PINX1: variants seen among roughly 807,000 people sequenced by gnomAD.
The protein encoded by PINX1 is PIN2 (TERF1) interacting telomerase inhibitor 1.
Under a neutral mutation model 25.4 loss-of-function variants are expected in PINX1, and 34 were observed. The observed-to-expected ratio is 1.34, with a 90% confidence interval of 1.02 to 1.78. The LOEUF is 1.78. Ranked by LOEUF, PINX1 falls within the 40% of genes most tolerant of loss-of-function variation. The pLI, the probability that PINX1 is intolerant of heterozygous loss-of-function variation, is 0.00. For missense variants in PINX1, 592 were observed against 404.9 expected (o/e 1.46, Z -3.97); for synonymous variants, 197 against 147.7 (o/e 1.33, Z -2.42).
chr8:10,786,909 T>C (rs1801767266), intron 6 of PINX1, among the ~76,000 whole-genome samples: 1 of 152,184 alleles, frequency 6.6e-6, no homozygotes. Context: ...ATGGGGAGCA[T>C]GTCTATTCGA....
intron 1 of PINX1, among the ~76,000 whole-genome samples, chr8:10,839,005 G>A (rs7818181): frequency 0.56 from 84,639 of 151,916 alleles, 24,771 homozygotes; most frequent in African/African-American, 0.7. Context: ...TTTGCTCACT[G>A]TACAACTCGC....
At chr8:10,834,090 G>A (rs80130141) in intron 2 of PINX1, among the ~76,000 whole-genome samples, 1 of 152,026 alleles carries the variant, frequency 6.6e-6, no homozygotes, top group African/African-American at 2.4e-5. Context: ...CTGCAGCAAA[G>A]TGCAAAAAAG....
chr8:10,827,588 C>T (rs1798093272), intron 4 of PINX1, among the ~76,000 whole-genome samples: 1 of 151,934 alleles, frequency 6.6e-6, no homozygotes, highest in East Asian at 1.9e-4. Context: ...GTTTTAAGAA[C>T]ATTCAGATAT....
At chr8:10,776,140 C>A (rs1359512595) in intron 6 of PINX1, among the ~76,000 whole-genome samples, 1 of 152,056 alleles carries the variant, frequency 6.6e-6, no homozygotes, top group Non-Finnish European at 1.5e-5. Context: ...TAAAATTGGT[C>A]TTGGGCTGGG....
At chr8:10,838,015 G>T (rs536850593) in intron 1 of PINX1, among the ~76,000 whole-genome samples, 1 of 152,196 alleles carries the variant, frequency 6.6e-6, no homozygotes, top group Non-Finnish European at 1.5e-5. Flanking sequence ...TTCAATCACA[G>T]GCAGCCATCT....
chr8:10,776,653 G>A (rs931983951), intron 6 of PINX1, among the ~76,000 whole-genome samples: 1 of 152,032 alleles, frequency 6.6e-6, no homozygotes, highest in Admixed American at 6.5e-5. Flanking sequence ...GGCTCACAAC[G>A]GCTGATGATG....
chr8:10,774,130 G>A (rs1192484430), intron 6 of PINX1, among the ~76,000 whole-genome samples: 2 of 152,164 alleles, frequency 1.3e-5, no homozygotes, highest in Non-Finnish European at 2.9e-5. Context: ...GCTTCCAGAG[G>A]GTTCTGTCTC....
At chr8:10,808,365 T>C (rs779979148) in intron 6 of PINX1, among the ~76,000 whole-genome samples, 2 of 152,156 alleles carry the variant, frequency 1.3e-5, no homozygotes, top group East Asian at 1.9e-4. Flanking sequence ...TGAGGTGGAG[T>C]GGCAAGGATG....
At chr8:10,788,799 G>C (rs1801831644) in intron 6 of PINX1, among the ~76,000 whole-genome samples, 1 of 152,192 alleles carries the variant, frequency 6.6e-6, no homozygotes, top group Non-Finnish European at 1.5e-5. Flanking sequence ...CCCCATCTGT[G>C]CGCTGACTCA....
rs759524206 is a variant in PINX1 at position 10,765,632 on chromosome 8, C to G, written c.756G>C (p.Lys252Asn). The change falls in exon 7 of 7, where the codon AAG becomes AAC. Residue 252 changes from lysine to asparagine, a missense_variant. Lys to Asn is a moderately conservative substitution (Grantham distance 94). Coordinates refer to ENST00000314787, the MANE Select transcript of PINX1 (RefSeq NM_017884.6). ...RAEAQERVAK[K>N]KSAPAEEQLR... ...GCTGCTCTTCTGCTGGCGCGCTCTT[C>G]TTCTTGGCCACTCGCTCCTGGGCCT... 1.2e-6 allele frequency: 2 copies of G among 1,613,922 alleles called. No homozygotes were observed. The highest frequency in any genetic ancestry group is 4.5e-5 in the East Asian group (2 of 44,862).
chr8:10,806,829 C>T (rs1028585161), intron 6 of PINX1, among the ~76,000 whole-genome samples: 47 of 152,138 alleles, frequency 3.1e-4, no homozygotes, highest in Non-Finnish European at 4.6e-4. Flanking sequence ...GACCTCCCCA[C>T]TAGTCCACCA....
At chr8:10,781,857 A>G (rs1337988320) in intron 6 of PINX1, among the ~76,000 whole-genome samples, 1 of 152,088 alleles carries the variant, frequency 6.6e-6, no homozygotes, top group African/African-American at 2.4e-5. Context: ...AGCAAATCAA[A>G]TCACCTTGTG....
At chr8:10,806,980 C>G (rs1563222041) in intron 6 of PINX1, among the ~76,000 whole-genome samples, 3 of 152,208 alleles carry the variant, frequency 2.0e-5, no homozygotes, top group Non-Finnish European at 4.4e-5. Context: ...CCTCTGCAAA[C>G]AGCTTCCAAA....
At chr8:10,834,545 G>A (rs1217615820) in intron 2 of PINX1, 121 bp downstream of exon 2, 3 of 1,382,670 alleles carry the variant, frequency 2.2e-6, no homozygotes, top group African/African-American at 1.5e-5. Flanking sequence ...TTTGATTTGG[G>A]ATCAAAATCA....
chr8:10,794,822 T>A lies in PINX1; in HGVS notation c.471+25371A>T, dbSNP rs565699853. Among the ~76,000 whole-genome samples, 225 of 152,326 alleles carry A rather than the reference T, an allele frequency of 1.5e-3. 2 individuals are homozygous for A. Among genetic ancestry groups the A allele is most frequent in the African/African-American group, 5.1e-3 (210 of 41,568 alleles). On this transcript the variant is annotated intron_variant, in intron 6 of 6. Coordinates refer to ENST00000314787, the MANE Select transcript of PINX1 (RefSeq NM_017884.6). ...CCGAGTGCATGTATGTTTTTAAGAT[T>A]CCATTTTGTTTTTAGTGACATCAAT...
rs554803325 is a variant in PINX1 at position 10,772,534 on chromosome 8, G to A, written c.472-6618C>T. ...CACTCACAAAAAGCTTTTCAAGTGT[G>A]AAATCTTGTACATTTTTCAAGACAT... On this transcript the variant is annotated intron_variant, in intron 6 of 6. Coordinates refer to ENST00000314787, the MANE Select transcript of PINX1 (RefSeq NM_017884.6). Among the ~76,000 whole-genome samples the A allele has an allele frequency of 8.9e-4, 135 of 152,328 alleles. 1 individual carries two copies. The highest frequency in any genetic ancestry group is 3.0e-3 in the African/African-American group (126 of 41,574).
chr8:10,796,183 T>C (rs1414267584), intron 6 of PINX1, among the ~76,000 whole-genome samples: 2 of 152,118 alleles, frequency 1.3e-5, no homozygotes, highest in South Asian at 2.1e-4. Flanking sequence ...TGGAAGGAGC[T>C]TGATTGGCTC....
At position 10,780,940 on chromosome 8, in the gene PINX1, T is replaced by C. The variant is rs1385522626; in HGVS notation, c.472-15024A>G. Reference sequence around the variant, plus strand: ...AACAAAGCTGGAGACACCACACTTCTTGATGTAAAATTATATTACAAGCTA... The same window carrying C: ...AACAAAGCTGGAGACACCACACTTCCTGATGTAAAATTATATTACAAGCTA... On this transcript the variant is annotated intron_variant, in intron 6 of 6. Transcript: ENST00000314787. Among the ~76,000 whole-genome samples, 4 of 152,268 alleles carry C rather than the reference T, an allele frequency of 2.6e-5. No homozygotes were observed. The South Asian group carries it at 6.2e-4, about 24-fold the overall frequency.
At chr8:10,783,903 A>T (rs1801668922) in intron 6 of PINX1, among the ~76,000 whole-genome samples, 1 of 152,202 alleles carries the variant, frequency 6.6e-6, no homozygotes, top group Admixed American at 6.5e-5. Context: ...GACACAGATG[A>T]CTAGAAAGTA....
Sources: allele counts gnomAD v4.1 joint callset (sites outside exome capture counted in the v4.1 genomes callset), GRCh38; gene constraint gnomAD v4.1.1; transcripts MANE v1.5; gene names NCBI Gene and HGNC (gene_info 2026-07-23, HGNC 2026-07-21).